Variants in MAPKAP1 observed in about 807,000 individuals in gnomAD.
MAPKAP1 encodes the protein MAPK associated protein 1.
A neutral mutation model predicts 65.7 loss-of-function variants in MAPKAP1; 20 were observed. That is an observed-to-expected ratio of 0.30 (90% CI 0.21 to 0.44). MAPKAP1 has a LOEUF of 0.44. MAPKAP1 is among the 20% of genes least tolerant of loss of function. The probability of loss-of-function intolerance (pLI) is 1.00; values close to 1 mark genes in which losing one functional copy is unlikely to be tolerated. For synonymous variants in MAPKAP1, 222 were observed against 244.3 expected (o/e 0.91, Z 0.85); for missense variants, 423 against 648.0 (o/e 0.65, Z 3.77).
At chr9:125,662,976 G>A (rs572021768) in intron 3 of MAPKAP1, among the ~76,000 whole-genome samples, 31 of 152,266 alleles carry the variant, frequency 2.0e-4, no homozygotes, top group African/African-American at 4.1e-4. Context: ...GCCATGTACT[G>A]TTCATTGTTG....
chr9:125,505,692 T>C (rs1349574924), intron 8 of MAPKAP1, among the ~76,000 whole-genome samples: 1 of 152,168 alleles, frequency 6.6e-6, no homozygotes, highest in African/African-American at 2.4e-5. Flanking sequence ...GAAGGAGCAT[T>C]CCAGGTGGAA....
intron 7 of MAPKAP1, among the ~76,000 whole-genome samples, chr9:125,510,959 C>T (rs557385208): frequency 4.6e-5 from 7 of 152,224 alleles, no homozygotes; most frequent in African/African-American, 1.7e-4. Flanking sequence ...GCCCAATTGC[C>T]TTGGCCTAAG....
intron 3 of MAPKAP1, among the ~76,000 whole-genome samples, chr9:125,658,858 G>A (rs535000238): frequency 6.6e-6 from 1 of 152,240 alleles, no homozygotes; most frequent in East Asian, 1.9e-4. Flanking sequence ...TTTAAAATCC[G>A]CAATAGACGT....
chr9:125,516,651 C>A (rs1437453385), intron 7 of MAPKAP1, among the ~76,000 whole-genome samples: 3 of 152,202 alleles, frequency 2.0e-5, no homozygotes, highest in Admixed American at 6.5e-5. Context: ...CTGTGAGCAT[C>A]TAATCCTAGA....
intron 1 of MAPKAP1, among the ~76,000 whole-genome samples, chr9:125,687,092 C>T (rs1278951588): frequency 1.3e-5 from 2 of 149,854 alleles, no homozygotes; most frequent in African/African-American, 4.9e-5. Flanking sequence ...TCCCAAAGTG[C>T]TGGGATTACA....
intron 1 of MAPKAP1, among the ~76,000 whole-genome samples, chr9:125,688,514 A>C (rs1042147139): frequency 1.3e-5 from 2 of 152,188 alleles, no homozygotes; most frequent in Non-Finnish European, 2.9e-5. Context: ...CATTCTGCTT[A>C]TAATACTATA....
At chr9:125,525,639 C>T (rs1420525833) in intron 7 of MAPKAP1, among the ~76,000 whole-genome samples, 1 of 151,700 alleles carries the variant, frequency 6.6e-6, no homozygotes, top group African/African-American at 2.4e-5. Context: ...CGCCATTGCA[C>T]TCCAGCCTGG....
At chr9:125,496,085 C>T (rs561995123) in intron 8 of MAPKAP1, among the ~76,000 whole-genome samples, 1 of 152,238 alleles carries the variant, frequency 6.6e-6, no homozygotes, top group African/African-American at 2.4e-5. Flanking sequence ...GTAGGGAATA[C>T]CATCACATTT....
At chr9:125,694,532 A>T (rs1380211013) in intron 1 of MAPKAP1, among the ~76,000 whole-genome samples, 1 of 152,214 alleles carries the variant, frequency 6.6e-6, no homozygotes, top group African/African-American at 2.4e-5. Context: ...TAACTAAAAA[A>T]AGGCAGAAAA....
intron 1 of MAPKAP1, among the ~76,000 whole-genome samples, chr9:125,693,687 GTA>G (rs1302174332): frequency 4.8e-5 from 6 of 125,988 alleles, no homozygotes; most frequent in Non-Finnish European, 9.6e-5. Context: ...ATATATACAC[GTA>G]TATATACACG....
intron 7 of MAPKAP1, among the ~76,000 whole-genome samples, chr9:125,523,286 G>A (rs1013490062): frequency 1.3e-5 from 2 of 152,060 alleles, no homozygotes; most frequent in East Asian, 1.9e-4. Flanking sequence ...CTGCCTGCCC[G>A]CCTGGATTTC....
intron 4 of MAPKAP1, among the ~76,000 whole-genome samples, chr9:125,590,509 G>T (rs754775555): frequency 2.0e-5 from 3 of 151,984 alleles, no homozygotes; most frequent in Non-Finnish European, 4.4e-5. Flanking sequence ...AATCAGCCGG[G>T]TGTGGTGGTG....
At chr9:125,539,137 C>T (rs569584885) in intron 7 of MAPKAP1, among the ~76,000 whole-genome samples, 70 of 152,156 alleles carry the variant, frequency 4.6e-4, no homozygotes, top group Non-Finnish European at 8.5e-4. Context: ...AGGAGGGAGT[C>T]CACTTGACAA....
chr9:125,663,035 C>T (rs1434709498), intron 3 of MAPKAP1, among the ~76,000 whole-genome samples: 1 of 152,124 alleles, frequency 6.6e-6, no homozygotes, highest in Non-Finnish European at 1.5e-5. Flanking sequence ...CTCTCTACTT[C>T]TGTGTATGTC....
At chr9:125,521,668 A>T in intron 7 of MAPKAP1, 9 of 1,559,368 alleles carry the variant, frequency 5.8e-6, no homozygotes, top group Non-Finnish European at 7.8e-6. Flanking sequence ...AAGGTTTCTG[A>T]CATCCAGTCC....
chr9:125,520,677 C>T (rs1014979888), intron 7 of MAPKAP1, among the ~76,000 whole-genome samples: 21 of 152,192 alleles, frequency 1.4e-4, no homozygotes, highest in Non-Finnish European at 2.6e-4. Context: ...CCTAGGACAG[C>T]CTCAGCATAC....
At chr9:125,495,180 T>C (rs1314386066) in intron 8 of MAPKAP1, among the ~76,000 whole-genome samples, 1 of 152,168 alleles carries the variant, frequency 6.6e-6, no homozygotes, top group Non-Finnish European at 1.5e-5. Flanking sequence ...CATGGCAAAA[T>C]ATCTAAGAAC....
chr9:125,577,611 TG>T (rs1169402533), intron 5 of MAPKAP1, among the ~76,000 whole-genome samples: 20 of 33,088 alleles, frequency 6.0e-4, no homozygotes, highest in African/African-American at 1.5e-3. Flanking sequence ...GGGAGGGAGG[TG>T]GGGGGGGTCA....
chr9:125,546,522 T>C (rs1455662110), intron 6 of MAPKAP1, among the ~76,000 whole-genome samples: 1 of 152,232 alleles, frequency 6.6e-6, no homozygotes, highest in Admixed American at 6.5e-5. Context: ...ATTTAACAAG[T>C]GGAGATGGAG....
Sources: gnomAD v4.1 joint callset for allele counts (sites outside exome capture counted in the v4.1 genomes callset) on GRCh38, gnomAD v4.1.1 for gene constraint, MANE v1.5 for transcripts, NCBI Gene and HGNC (gene_info 2026-07-23, HGNC 2026-07-21) for gene names.